TTC29: variants seen among roughly 807,000 people sequenced by gnomAD.
The protein encoded by TTC29 is tetratricopeptide repeat protein 29.
TTC29 carries 49 observed loss-of-function variants against 58.1 expected under a neutral mutation model. The observed-to-expected ratio is 0.84, with a 90% CI of 0.67 to 1.07. The LOEUF is 1.07. Ranked by LOEUF, TTC29 falls within the 50% of genes least tolerant of loss-of-function variation. The pLI is 0.00. For missense variants in TTC29, 582 were observed against 555.6 expected (o/e 1.05, Z -0.48); for synonymous variants, 209 against 196.8 (o/e 1.06, Z -0.52).
intron 11 of TTC29, among the ~76,000 whole-genome samples, chr4:146,749,169 A>G (rs78339474): frequency 6.6e-6 from 1 of 151,418 alleles, no homozygotes; most frequent in Non-Finnish European, 1.5e-5. Flanking sequence ...AAAAAAAAAA[A>G]AGGCCAGGTC....
chr4:146,921,668 A>G (rs1734589683), intron 4 of TTC29, among the ~76,000 whole-genome samples: 2 of 151,218 alleles, frequency 1.3e-5, no homozygotes, highest in African/African-American at 4.8e-5. Flanking sequence ...TTAAAAATAC[A>G]TAAAATTAAC....
At chr4:146,722,851 C>T (rs1017378092) in intron 11 of TTC29, among the ~76,000 whole-genome samples, 1 of 152,100 alleles carries the variant, frequency 6.6e-6, no homozygotes, top group African/African-American at 2.4e-5. Context: ...GTATGCACCG[C>T]CATACCCTGC....
At chr4:146,890,267 G>A (rs34228410) in intron 6 of TTC29, among the ~76,000 whole-genome samples, 42,855 of 151,922 alleles carry the variant, frequency 0.28, 6,573 homozygotes, top group South Asian at 0.41. Flanking sequence ...CATCTTTTAA[G>A]GGTTTACAAT....
chr4:146,750,096 C>A (rs1291069155), intron 11 of TTC29, among the ~76,000 whole-genome samples: 2 of 152,058 alleles, frequency 1.3e-5, no homozygotes, highest in African/African-American at 4.8e-5. Flanking sequence ...CAAGCTCTGC[C>A]TCCTGGGTTC....
chr4:146,945,107 AAAG>A lies in TTC29; in HGVS notation c.-53-33_-53-31del, dbSNP rs1736805844. The stretch of plus-strand genomic sequence containing the variant: ...AAATCAGGAAGCAAAGAATAATAGC[AAAG>A]AAGAAAAATTTAAAATCATTCAGTA... On this transcript the variant is annotated intron_variant, in intron 1 of 12. Transcript: ENST00000325106. The A allele has an allele frequency of 2.6e-5, 4 of 152,362 alleles. No individual in the cohort carries two copies. The South Asian group carries it at 8.3e-4, about 32-fold the overall frequency. The allele number at this position is 152,362 out of a possible 1,614,324, so 9.4% of individuals were successfully genotyped here.
intron 9 of TTC29, among the ~76,000 whole-genome samples, 178 bp from the exon 10 acceptor site, chr4:146,820,426 T>C (rs776976080): frequency 6.6e-6 from 1 of 152,018 alleles, no homozygotes; most frequent in Non-Finnish European, 1.5e-5. Flanking sequence ...ACACATTGAG[T>C]TAAAACTTAA....
chr4:146,936,962 A>C (rs1375751571), intron 4 of TTC29, among the ~76,000 whole-genome samples: 1 of 152,052 alleles, frequency 6.6e-6, no homozygotes, highest in African/African-American at 2.4e-5. Context: ...AAGTATAGGT[A>C]AGAAATATTA....
chr4:146,940,255 T>C (rs935488699), intron 2 of TTC29, among the ~76,000 whole-genome samples: 1 of 152,234 alleles, frequency 6.6e-6, no homozygotes, highest in African/African-American at 2.4e-5. Flanking sequence ...AGGATAGCTA[T>C]GGATTTCCAA....
intron 11 of TTC29, among the ~76,000 whole-genome samples, chr4:146,708,975 C>G (rs987175343): frequency 1.3e-5 from 2 of 151,918 alleles, no homozygotes; most frequent in African/African-American, 4.8e-5. Context: ...GGACCCTTGC[C>G]CTTCCTCTTT....
chr4:146,856,883 A>T (rs1269693813), intron 8 of TTC29, among the ~76,000 whole-genome samples: 1 of 151,824 alleles, frequency 6.6e-6, no homozygotes, highest in Non-Finnish European at 1.5e-5. Flanking sequence ...ATGTTTCAGG[A>T]AGGACACAAC....
rs200326558 is a variant in TTC29 at position 146,822,121 on chromosome 4, T to TAA, written c.978-1875_978-1874dup. ...TGCAAGTTCAGAAAGTATTTTCTTT[T>TAA]AAAAAAAAAAAAAAGGGATACATGT... is the stretch of plus-strand genomic sequence containing the variant. On this transcript the variant is annotated intron_variant, in intron 9 of 12. Coordinates refer to ENST00000325106, the MANE Select transcript of TTC29 (RefSeq NM_031956.4). Among the ~76,000 whole-genome samples the TAA allele has an allele frequency of 1.2e-3, 176 of 143,354 alleles. 1 individual carries two copies. Among genetic ancestry groups the TAA allele is most frequent in the African/African-American group, 4.1e-3 (163 of 39,330 alleles). 94.0% of individuals were successfully genotyped at this position (143,354 alleles called of 152,430 possible).
At chr4:146,912,805 G>A (rs1051061913) in intron 4 of TTC29, among the ~76,000 whole-genome samples, 3 of 152,090 alleles carry the variant, frequency 2.0e-5, no homozygotes, top group Middle Eastern at 3.4e-3. Context: ...GTGGAACCAG[G>A]GTAAAGCTGG....
chr4:146,841,850 C>A (rs1728870892), intron 8 of TTC29, among the ~76,000 whole-genome samples: 1 of 151,968 alleles, frequency 6.6e-6, no homozygotes, highest in Non-Finnish European at 1.5e-5. Context: ...TCCTCAGGTA[C>A]AAAATGGAAA....
chr4:146,887,405 G>A (rs1355527734), intron 6 of TTC29, among the ~76,000 whole-genome samples: 3 of 151,996 alleles, frequency 2.0e-5, no homozygotes. Flanking sequence ...AAATGTTACC[G>A]TTAAATCAGT....
intron 4 of TTC29, among the ~76,000 whole-genome samples, chr4:146,934,743 G>A (rs1580015441): frequency 6.6e-6 from 1 of 152,076 alleles, no homozygotes; most frequent in East Asian, 1.9e-4. Context: ...ATGGCATCCC[G>A]AAAGTCACAA....
chr4:146,728,716 G>T (rs1009492674), intron 11 of TTC29, among the ~76,000 whole-genome samples: 100 of 137,466 alleles, frequency 7.3e-4, no homozygotes, highest in African/African-American at 2.6e-3. Flanking sequence ...AAATGTATGT[G>T]TGTATGTGTA....
chr4:146,753,285 A>C (rs1009774647), intron 11 of TTC29, among the ~76,000 whole-genome samples: 14 of 152,380 alleles, frequency 9.2e-5, no homozygotes, highest in Admixed American at 5.2e-4. Flanking sequence ...TATGCAGCCA[A>C]AAAACACATG....
intron 11 of TTC29, among the ~76,000 whole-genome samples, chr4:146,742,388 G>T (rs1407327533): frequency 1.3e-5 from 2 of 152,130 alleles, no homozygotes; most frequent in Non-Finnish European, 2.9e-5. Context: ...AGAGGGACAG[G>T]TGAGAATTCT....
intron 6 of TTC29, among the ~76,000 whole-genome samples, chr4:146,897,196 C>T (rs927733054): frequency 1.3e-4 from 20 of 152,004 alleles, no homozygotes; most frequent in African/African-American, 4.8e-4. Flanking sequence ...CATAATATAA[C>T]CAAAATCTCT....
Sources: gnomAD v4.1 joint callset for allele counts (sites outside exome capture counted in the v4.1 genomes callset) on GRCh38, gnomAD v4.1.1 for gene constraint, MANE v1.5 for transcripts, NCBI Gene and HGNC (gene_info 2026-07-23, HGNC 2026-07-21) for gene names.